The following CTNNBIP1 variants were observed in gnomAD, a reference collection of about 807,000 sequenced individuals.
CTNNBIP1 encodes beta-catenin-interacting protein 1.
CTNNBIP1 carries 7 observed loss-of-function variants against 11.8 expected under a neutral mutation model. The ratio of observed to expected loss-of-function variants is 0.60; its 90% CI spans 0.34 to 1.12. CTNNBIP1 has a LOEUF of 1.12. Ranked by LOEUF, CTNNBIP1 falls within the 50% of genes most tolerant of loss-of-function variation. The pLI is 0.03. For missense variants in CTNNBIP1, 101 were observed against 113.4 expected (o/e 0.89, Z 0.50); for synonymous variants, 58 against 43.9 (o/e 1.32, Z -1.26).
At chr1:9,905,955 A>G (rs74224889) in intron 1 of CTNNBIP1, among the ~76,000 whole-genome samples, 7,191 of 152,296 alleles carry the variant, frequency 0.047, 467 homozygotes, top group East Asian at 0.22. Flanking sequence ...AGTAGACAAA[A>G]AGAGACAAAA....
intron 5 of CTNNBIP1, among the ~76,000 whole-genome samples, chr1:9,854,262 G>C (rs539152132): frequency 6.6e-6 from 1 of 151,404 alleles, no homozygotes; most frequent in African/African-American, 2.4e-5. Context: ...TGTTACTTGT[G>C]AAGGCTGAGC....
intron 3 of CTNNBIP1, among the ~76,000 whole-genome samples, chr1:9,875,641 C>T (rs933465697): frequency 5.9e-5 from 9 of 152,214 alleles, no homozygotes; most frequent in Non-Finnish European, 1.0e-4. Context: ...CAGTTCTTCT[C>T]GCTACAGAGA....
chr1:9,885,750 C>A (rs1261619419), intron 1 of CTNNBIP1, among the ~76,000 whole-genome samples: 1 of 151,964 alleles, frequency 6.6e-6, no homozygotes, highest in Non-Finnish European at 1.5e-5. Context: ...TCAAGACCAG[C>A]CTGACCAACA....
intron 1 of CTNNBIP1, among the ~76,000 whole-genome samples, chr1:9,899,784 A>T (rs576049181): frequency 3.4e-4 from 51 of 149,864 alleles, no homozygotes; most frequent in African/African-American, 1.2e-3. Context: ...AGAAAGAAAG[A>T]AAGAAATGGC....
chr1:9,880,856 T>G (rs991570080), intron 2 of CTNNBIP1, among the ~76,000 whole-genome samples: 5 of 152,184 alleles, frequency 3.3e-5, no homozygotes, highest in South Asian at 2.1e-4. Context: ...ATTGCTCTTC[T>G]GTGCACTTCA....
chr1:9,875,425 T>G (rs1638947023), intron 3 of CTNNBIP1, among the ~76,000 whole-genome samples: 1 of 152,196 alleles, frequency 6.6e-6, no homozygotes, highest in Non-Finnish European at 1.5e-5. Context: ...TTACAGAATG[T>G]TGCCCTGTCC....
intron 5 of CTNNBIP1, among the ~76,000 whole-genome samples, chr1:9,855,625 A>T (rs528333806): frequency 2.0e-4 from 30 of 152,318 alleles, no homozygotes; most frequent in African/African-American, 7.0e-4. Flanking sequence ...TAAAAAAATT[A>T]ACCTGAAATG....
intron 1 of CTNNBIP1, among the ~76,000 whole-genome samples, chr1:9,889,712 C>T (rs371460545): frequency 6.6e-6 from 1 of 152,092 alleles, no homozygotes; most frequent in Non-Finnish European, 1.5e-5. Flanking sequence ...GAGGACAGAC[C>T]GGGGGTGGTT....
chr1:9,871,118 C>T lies in CTNNBIP1; in HGVS notation c.187+69G>A, dbSNP rs1175167786. 1 of 1,226,240 alleles carries T rather than the reference C, an allele frequency of 8.2e-7. No homozygotes were observed. Among genetic ancestry groups the T allele is most frequent in the Non-Finnish European group, 1.2e-6 (1 of 868,232 alleles). 76.0% of individuals were successfully genotyped at this position (1,226,240 alleles called of 1,614,324 possible). On this transcript the variant is annotated intron_variant, in intron 5 of 5. Transcript: ENST00000377263. This position sits in a 1 kb window ranked among gnomAD's most constrained non-coding sequence, Gnocchi z 5.2. The stretch of plus-strand genomic sequence containing the variant: ...TCAAAGAGGGCTGGAGCTACGCTTT[C>T]TAAGGGAACCACAAGTCGGTGCCCC...
chr1:9,854,547 G>C (rs1638462955), intron 5 of CTNNBIP1, among the ~76,000 whole-genome samples: 1 of 152,052 alleles, frequency 6.6e-6, no homozygotes, highest in African/African-American at 2.4e-5. Context: ...TTGGCTTGAG[G>C]TCCATTCCAG....
At chr1:9,903,283 AG>A (rs1341839999) in intron 1 of CTNNBIP1, among the ~76,000 whole-genome samples, 2 of 152,174 alleles carry the variant, frequency 1.3e-5, no homozygotes, top group Non-Finnish European at 2.9e-5. Context: ...TTAGAAACCA[AG>A]CCCTTTAACT....
intron 5 of CTNNBIP1, among the ~76,000 whole-genome samples, chr1:9,868,722 G>T (rs548511706): frequency 6.6e-6 from 1 of 152,126 alleles, no homozygotes; most frequent in East Asian, 1.9e-4. Flanking sequence ...CCGCCTCCCA[G>T]ATTCAAGCGG....
chr1:9,858,214 C>A (rs1401767876), intron 5 of CTNNBIP1, among the ~76,000 whole-genome samples: 1 of 152,156 alleles, frequency 6.6e-6, no homozygotes, highest in Non-Finnish European at 1.5e-5. Flanking sequence ...GACCTCCTCT[C>A]GCTGGCCCCT....
chr1:9,873,787 T>G (rs1025754320), intron 3 of CTNNBIP1, among the ~76,000 whole-genome samples: 2 of 152,122 alleles, frequency 1.3e-5, no homozygotes, highest in Non-Finnish European at 2.9e-5. Context: ...CAGGCTGGAG[T>G]GTAGTGGCGC....
chr1:9,862,525 C>A (rs74054125), intron 5 of CTNNBIP1, among the ~76,000 whole-genome samples: 10,544 of 152,274 alleles, frequency 0.069, 1,239 homozygotes, highest in African/African-American at 0.24. Context: ...AACAAGCACC[C>A]TCAGTGATTG....
At chr1:9,868,696 T>C (rs1638797439) in intron 5 of CTNNBIP1, among the ~76,000 whole-genome samples, 1 of 152,086 alleles carries the variant, frequency 6.6e-6, no homozygotes, top group Admixed American at 6.5e-5. Context: ...GGTGTGATCT[T>C]GGCTCATCGC....
chr1:9,864,302 C>T (rs182904149), intron 5 of CTNNBIP1, among the ~76,000 whole-genome samples: 3 of 152,310 alleles, frequency 2.0e-5, no homozygotes, highest in Non-Finnish European at 4.4e-5. Context: ...TAGGTCTAGG[C>T]GGGGTCCCTC....
At chr1:9,905,876 T>C (rs532498649) in intron 1 of CTNNBIP1, among the ~76,000 whole-genome samples, 1 of 152,336 alleles carries the variant, frequency 6.6e-6, no homozygotes, top group Non-Finnish European at 1.5e-5. Flanking sequence ...AGCACATAGG[T>C]GCTCAATCAG....
chr1:9,888,185 C>T (rs979952831), intron 1 of CTNNBIP1, among the ~76,000 whole-genome samples: 1 of 151,986 alleles, frequency 6.6e-6, no homozygotes, highest in Non-Finnish European at 1.5e-5. Context: ...AATCCCAACG[C>T]TTTGGGAGGC....
Sources: allele counts gnomAD v4.1 joint callset (sites outside exome capture counted in the v4.1 genomes callset), GRCh38; gene constraint gnomAD v4.1.1; non-coding constraint Gnocchi (gnomAD v3.1); transcripts MANE v1.5; gene names NCBI Gene and HGNC (gene_info 2026-07-23, HGNC 2026-07-21).